ZFHX3: variants seen among roughly 807,000 people sequenced by gnomAD.
ZFHX3 encodes the protein zinc finger homeobox protein 3.
In ZFHX3, 42 loss-of-function variants were observed where a neutral mutation model predicts 279.1. The observed-to-expected ratio is 0.15, with a 90% CI of 0.12 to 0.19. The LOEUF (loss-of-function observed/expected upper bound fraction) is 0.19, where lower values mean the gene tolerates loss of function less well. Among genes scored for constraint, ZFHX3 ranks in the 10% least tolerant of loss-of-function variants. The pLI, the probability that ZFHX3 is intolerant of heterozygous loss-of-function variation, is 1.00. For synonymous variants in ZFHX3, 2,293 were observed against 1,957.8 expected (o/e 1.17, Z -4.52); for missense variants, 4,981 against 4,754.0 (o/e 1.05, Z -1.40).
At chr16:72,985,408 C>T (rs548486986) in intron 1 of ZFHX3, among the ~76,000 whole-genome samples, 3 of 152,316 alleles carry the variant, frequency 2.0e-5, no homozygotes, top group Admixed American at 1.3e-4. Flanking sequence ...GATCACAAAA[C>T]AAATGTGAGG....
chr16:73,186,711 C>A (rs1388640045), intron 5 of ZFHX3, among the ~76,000 whole-genome samples: 1 of 151,972 alleles, frequency 6.6e-6, no homozygotes, highest in Non-Finnish European at 1.5e-5. Flanking sequence ...GCCATTTCTC[C>A]TAACGATAAA....
intron 2 of ZFHX3, among the ~76,000 whole-genome samples, chr16:73,539,580 G>A (rs900864964): frequency 9.2e-5 from 14 of 151,460 alleles, no homozygotes; most frequent in Admixed American, 5.9e-4. Flanking sequence ...CAGCAACACC[G>A]TGGGTCAAGA....
chr16:73,744,438 A>C (rs1038251249), intron 1 of ZFHX3, among the ~76,000 whole-genome samples: 22 of 152,284 alleles, frequency 1.4e-4, no homozygotes, highest in Non-Finnish European at 1.6e-4. Flanking sequence ...TCAATTATCT[A>C]TTTCAGTAAA....
At chr16:73,427,751 TG>T (rs1249042389) in intron 3 of ZFHX3, among the ~76,000 whole-genome samples, 1 of 151,358 alleles carries the variant, frequency 6.6e-6, no homozygotes, top group Non-Finnish European at 1.5e-5. Context: ...CCGGCCAATA[TG>T]GTGAAACCCT....
At chr16:72,970,210 AT>A (rs112563090) in intron 1 of ZFHX3, among the ~76,000 whole-genome samples, 16,960 of 145,226 alleles carry the variant, frequency 0.12, 997 homozygotes, top group African/African-American at 0.16. Flanking sequence ...ATTAAAAAAG[AT>A]TTTTTTTTTT....
intron 7 of ZFHX3, among the ~76,000 whole-genome samples, chr16:72,806,211 C>T (rs1271587766): frequency 3.3e-5 from 5 of 152,152 alleles, no homozygotes; most frequent in Admixed American, 3.3e-4. Context: ...TTTTTAAATA[C>T]ATCAAGCTCA....
chr16:73,308,319 C>G (rs1238484422), intron 4 of ZFHX3, among the ~76,000 whole-genome samples: 1 of 130,064 alleles, frequency 7.7e-6, no homozygotes, highest in East Asian at 2.3e-4. Context: ...CTCTTGTCAC[C>G]CAGGCTGGAG....
chr16:72,993,987 A>G (rs1963187421), intron 1 of ZFHX3, among the ~76,000 whole-genome samples: 1 of 152,046 alleles, frequency 6.6e-6, no homozygotes, highest in Admixed American at 6.6e-5. Flanking sequence ...CAATTAATAT[A>G]CTTAATAACT....
chr16:73,337,883 T>C (rs977137870), intron 3 of ZFHX3, among the ~76,000 whole-genome samples: 4 of 62,946 alleles, frequency 6.4e-5, no homozygotes, highest in South Asian at 5.6e-4. Context: ...AGTCTTCATC[T>C]TCCCTTGGCG....
chr16:72,856,430 G>A lies in ZFHX3; in HGVS notation c.3449-26571C>T, dbSNP rs147293058. Among the ~76,000 whole-genome samples, 121 of 152,332 alleles carry A rather than the reference G, an allele frequency of 7.9e-4. 1 individual carries two copies. Among genetic ancestry groups the A allele is most frequent in the African/African-American group, 2.9e-3 (119 of 41,578 alleles). On this transcript the variant is annotated intron_variant, in intron 4 of 9. Transcript: ENST00000268489. Reference sequence around the variant, plus strand: ...GAGCTGCGTCTCTATCAAAGCACAGGCCAGGTGCAGCTAGCTTACTCTGTG... The same window carrying A: ...GAGCTGCGTCTCTATCAAAGCACAGACCAGGTGCAGCTAGCTTACTCTGTG...
intron 2 of ZFHX3, among the ~76,000 whole-genome samples, chr16:73,565,532 CG>C (rs1228673210): frequency 6.6e-6 from 1 of 152,116 alleles, no homozygotes; most frequent in Admixed American, 6.5e-5. Context: ...TCAAGGTTTT[CG>C]GGGCACTTAA....
chr16:72,874,666 CT>C (rs1194333984), intron 4 of ZFHX3, among the ~76,000 whole-genome samples: 60 of 146,144 alleles, frequency 4.1e-4, no homozygotes, highest in Admixed American at 4.8e-4. Flanking sequence ...AATGAAACCT[CT>C]TTTTTTTTTT....
intron 4 of ZFHX3, among the ~76,000 whole-genome samples, chr16:72,882,187 T>G (rs891644774): frequency 2.0e-5 from 3 of 150,220 alleles, no homozygotes; most frequent in Admixed American, 6.6e-5. Context: ...TTTTTTTTTT[T>G]TTTTGCTGTG....
intron 2 of ZFHX3, among the ~76,000 whole-genome samples, chr16:73,463,842 A>T (rs1042131796): frequency 1.3e-5 from 2 of 152,152 alleles, no homozygotes; most frequent in African/African-American, 4.8e-5. Flanking sequence ...GCAGACACAC[A>T]CCTGCTGGAA....
At chr16:73,242,615 C>T (rs1042483784) in intron 5 of ZFHX3, among the ~76,000 whole-genome samples, 1 of 152,214 alleles carries the variant, frequency 6.6e-6, no homozygotes, top group African/African-American at 2.4e-5. Flanking sequence ...ATTATTTCTT[C>T]AGTTCTCTGT....
At chr16:73,255,850 C>T (rs1041768643) in intron 5 of ZFHX3, among the ~76,000 whole-genome samples, 2 of 152,164 alleles carry the variant, frequency 1.3e-5, no homozygotes, top group Non-Finnish European at 2.9e-5. Flanking sequence ...TTCTGATTCA[C>T]AGCCCAGAGC....
intron 2 of ZFHX3, among the ~76,000 whole-genome samples, chr16:73,479,013 C>T (rs1431219507): frequency 6.6e-6 from 1 of 152,180 alleles, no homozygotes; most frequent in Admixed American, 6.5e-5. Flanking sequence ...GATCATGCCA[C>T]TGCACTCCAG....
At chr16:73,445,710 G>A (rs1392828132) in intron 3 of ZFHX3, among the ~76,000 whole-genome samples, 1 of 152,160 alleles carries the variant, frequency 6.6e-6, no homozygotes, top group Non-Finnish European at 1.5e-5. Context: ...CTCATTCATT[G>A]AGAGCTTTGA....
At chr16:73,381,118 G>A (rs2016811744) in intron 3 of ZFHX3, among the ~76,000 whole-genome samples, 1 of 152,054 alleles carries the variant, frequency 6.6e-6, no homozygotes, top group Non-Finnish European at 1.5e-5. Context: ...CCTGACTGAT[G>A]CAGACCTATA....
Sources: allele counts gnomAD v4.1 joint callset (sites outside exome capture counted in the v4.1 genomes callset), GRCh38; gene constraint gnomAD v4.1.1; transcripts MANE v1.5; gene names NCBI Gene and HGNC (gene_info 2026-07-23, HGNC 2026-07-21).